The following RAB38 variants were observed in gnomAD, a reference collection of about 807,000 sequenced individuals.
RAB38 encodes the protein RAB38, member RAS oncogene family.
RAB38 carries 15 observed loss-of-function variants against 18.4 expected under a neutral mutation model. That is an observed-to-expected ratio of 0.82 (90% CI 0.55 to 1.26). RAB38 has a LOEUF of 1.26. RAB38 is among the 50% of genes most tolerant of loss of function. The pLI, the probability that RAB38 is intolerant of heterozygous loss-of-function variation, is 0.00. For synonymous variants in RAB38, 101 were observed against 104.4 expected, an observed-to-expected ratio of 0.97 and a Z score of 0.20; for missense variants, 294 against 267.4, an observed-to-expected ratio of 1.10 and a Z score of -0.69.
intron 2 of RAB38, among the ~76,000 whole-genome samples, chr11:88,134,160 A>AC (rs1942801686): frequency 6.6e-6 from 1 of 152,182 alleles, no homozygotes; most frequent in Non-Finnish European, 1.5e-5. Flanking sequence ...ACTTTAACAT[A>AC]CAAAAAAAAG....
downstream of RAB38, among the ~76,000 whole-genome samples, chr11:88,108,602 C>T (rs768264773): frequency 6.6e-6 from 1 of 152,128 alleles, no homozygotes; most frequent in Non-Finnish European, 1.5e-5. Context: ...ATCCAATTTG[C>T]CAGTTTGTGA....
chr11:88,144,009 C>T (rs188613351), intron 2 of RAB38, among the ~76,000 whole-genome samples: 41 of 152,254 alleles, frequency 2.7e-4, no homozygotes, highest in African/African-American at 9.6e-4. Flanking sequence ...TTCACCTATT[C>T]CCAACTTCAG....
At chr11:87,915,143 G>C in the RAB38 span, among the ~76,000 whole-genome samples, 6 of 152,148 alleles carry the variant, frequency 3.9e-5, no homozygotes, top group African/African-American at 1.2e-4. Context: ...AAATGGAAAA[G>C]TTATAGGCAT....
rs1352151793 is a variant in RAB38, at chr11:88,149,699, T to C, written c.459A>G (p.Val153=). Residue 153 remains valine (V), a synonymous_variant, in exon 2 of 3, where the codon GTA becomes GTG. Transcript: ENST00000243662. Reference sequence around the variant, plus strand: ...CCTTTGCTGATGTTTCAAACCATCCTACGAAACCGTGCTCCTTGCAGAACT... The same window carrying C: ...CCTTTGCTGATGTTTCAAACCATCCCACGAAACCGTGCTCCTTGCAGAACT... ...MDQFCKEHGF[V]GWFETSAKEN... The C allele has an allele frequency of 3.7e-6, 6 of 1,612,064 alleles. No individual in the cohort carries two copies. Among genetic ancestry groups the C allele is most frequent in the Non-Finnish European group, 5.1e-6 (6 of 1,178,332 alleles).
the RAB38 span, among the ~76,000 whole-genome samples, chr11:88,090,725 C>G: frequency 2.6e-5 from 4 of 151,932 alleles, no homozygotes; most frequent in African/African-American, 9.7e-5. Flanking sequence ...TGCCAAAAAC[C>G]TGGTAGCACC....
the RAB38 span, among the ~76,000 whole-genome samples, chr11:87,976,030 A>G: frequency 1.3e-5 from 2 of 151,268 alleles, no homozygotes; most frequent in African/African-American, 4.8e-5. Context: ...TAAGACTCCA[A>G]ATAACGCTAT....
chr11:87,929,734 G>T, the RAB38 span, among the ~76,000 whole-genome samples: 5 of 111,032 alleles, frequency 4.5e-5, no homozygotes, highest in African/African-American at 1.8e-4. Context: ...CCCACAACAG[G>T]CCCCGGTGTG....
chr11:88,061,433 G>C, the RAB38 span, among the ~76,000 whole-genome samples: 1 of 152,164 alleles, frequency 6.6e-6, no homozygotes, highest in Non-Finnish European at 1.5e-5. Context: ...ATTTGGAAAA[G>C]ACATCCCAGA....
At chr11:88,137,186 A>G (rs12270038) in intron 2 of RAB38, among the ~76,000 whole-genome samples, 65,560 of 152,040 alleles carry the variant, frequency 0.43, 14,191 homozygotes, top group Middle Eastern at 0.46. Flanking sequence ...AACAATCACC[A>G]TAGCCACTAT....
At chr11:88,074,473 A>G in the RAB38 span, among the ~76,000 whole-genome samples, 1 of 152,144 alleles carries the variant, frequency 6.6e-6, no homozygotes, top group African/African-American at 2.4e-5. Context: ...ATAAGCTGTC[A>G]TCTCTTTAAA....
the RAB38 span, among the ~76,000 whole-genome samples, chr11:87,912,093 T>C: frequency 6.6e-6 from 1 of 152,020 alleles, no homozygotes; most frequent in Admixed American, 6.6e-5. Flanking sequence ...ATATATCATT[T>C]GATTCAATTT....
the RAB38 span, among the ~76,000 whole-genome samples, chr11:88,029,881 A>G: frequency 1.3e-5 from 2 of 152,176 alleles, no homozygotes; most frequent in Non-Finnish European, 2.9e-5. Context: ...AAGCAGACCT[A>G]ATAGACATCT....
At chr11:88,161,037 T>C (rs1453992521) in intron 1 of RAB38, among the ~76,000 whole-genome samples, 2 of 152,076 alleles carry the variant, frequency 1.3e-5, no homozygotes, top group Non-Finnish European at 2.9e-5. Context: ...GAATCCACTA[T>C]CAAAAGGTAA....
the RAB38 span, among the ~76,000 whole-genome samples, chr11:87,893,435 A>AG: frequency 8.3e-6 from 1 of 120,254 alleles, no homozygotes; most frequent in Non-Finnish European, 1.7e-5. Flanking sequence ...TTAGGTCAAG[A>AG]GCCCACTGCT....
the RAB38 span, among the ~76,000 whole-genome samples, chr11:88,093,950 G>T: frequency 6.6e-6 from 1 of 151,626 alleles, no homozygotes; most frequent in African/African-American, 2.4e-5. Flanking sequence ...ATCTGAGAAG[G>T]GTACTCCAAC....
At chr11:87,959,012 C>T in the RAB38 span, among the ~76,000 whole-genome samples, 1 of 152,146 alleles carries the variant, frequency 6.6e-6, no homozygotes, top group Non-Finnish European at 1.5e-5. Flanking sequence ...GAAACACCTC[C>T]TCCTTCTGCG....
the RAB38 span, among the ~76,000 whole-genome samples, chr11:88,070,358 G>A: frequency 3.3e-5 from 5 of 152,122 alleles, no homozygotes; most frequent in African/African-American, 4.8e-5. Context: ...CTCTGAACAC[G>A]TTTGAACATC....
chr11:88,132,451 G>A (rs185955246), intron 2 of RAB38, among the ~76,000 whole-genome samples: 3 of 152,184 alleles, frequency 2.0e-5, no homozygotes, highest in Admixed American at 2.0e-4. Context: ...AACTGAAATA[G>A]ATGTTTTACT....
At chr11:88,049,628 G>A in the RAB38 span, among the ~76,000 whole-genome samples, 9 of 151,962 alleles carry the variant, frequency 5.9e-5, no homozygotes, top group South Asian at 2.1e-4. Context: ...ACATGGACGC[G>A]CGTGAAATTT....
Sources: gnomAD v4.1 joint callset for allele counts (sites outside exome capture counted in the v4.1 genomes callset) on GRCh38, gnomAD v4.1.1 for gene constraint, MANE v1.5 for transcripts, NCBI Gene and HGNC (gene_info 2026-07-23, HGNC 2026-07-21) for gene names.